The following ALDH1L1 variants were observed in gnomAD, a reference collection of about 807,000 sequenced individuals.
ALDH1L1 encodes cytosolic 10-formyltetrahydrofolate dehydrogenase.
Under a neutral mutation model 101.1 loss-of-function variants are expected in ALDH1L1, and 68 were observed. That is an observed-to-expected ratio of 0.67 (90% CI 0.55 to 0.82). The LOEUF (loss-of-function observed/expected upper bound fraction) is 0.82. Among genes scored for constraint, ALDH1L1 ranks in the 40% least tolerant of loss-of-function variants. ALDH1L1 has a pLI of 0.00. For missense variants in ALDH1L1, 1,087 were observed against 1,172.7 expected (o/e 0.93, Z 1.07); for synonymous variants, 486 against 470.8 (o/e 1.03, Z -0.42).
At chr3:126,130,322 G>A in intron 13 of ALDH1L1, 29 bp from the exon 14 acceptor site, 1 of 1,581,604 alleles carries the variant, frequency 6.3e-7, no homozygotes, top group Non-Finnish European at 8.6e-7. Context: ...CAGTCACCCA[G>A]GGGCCCAGGG....
At chr3:126,169,025 C>A (rs1005433566) in intron 1 of ALDH1L1, among the ~76,000 whole-genome samples, 1 of 152,004 alleles carries the variant, frequency 6.6e-6, no homozygotes, top group Non-Finnish European at 1.5e-5. Flanking sequence ...CTTTAACAAG[C>A]GCTCTCAAAG....
intron 12 of ALDH1L1, 45 bp from the exon 13 acceptor site, chr3:126,131,579 C>A (rs149133160): frequency 6.3e-7 from 1 of 1,576,572 alleles, no homozygotes; most frequent in Non-Finnish European, 8.7e-7. Flanking sequence ...AGGCCTGGCA[C>A]GGCCTCATCT....
chr3:126,171,007 GCAGACT>G, intron 1 of ALDH1L1, among the ~76,000 whole-genome samples: 1 of 152,278 alleles, frequency 6.6e-6, no homozygotes, highest in South Asian at 2.1e-4. Flanking sequence ...AAAGCTAAAA[GCAGACT>G]CTTGGCTGGG....
chr3:126,130,328 C>T (rs754067493), intron 13 of ALDH1L1, 35 bp from the exon 14 acceptor site: 3 of 1,570,158 alleles, frequency 1.9e-6, no homozygotes, highest in South Asian at 1.2e-5. Context: ...CCCAGGGGCC[C>T]AGGGTCCACA....
intron 22 of ALDH1L1, chr3:126,104,092 C>A: frequency 1.7e-6 from 1 of 579,516 alleles, no homozygotes. Flanking sequence ...TTCCCCAGCT[C>A]CCACCGCCTT....
At chr3:126,109,912 G>A (rs760118673) in intron 20 of ALDH1L1, 32 bp downstream of exon 20, 1 of 1,609,644 alleles carries the variant, frequency 6.2e-7, no homozygotes, top group South Asian at 1.1e-5. Flanking sequence ...TGCCTCAATT[G>A]ACCCAAGCGG....
rs2081528082 is a variant in ALDH1L1 at position 126,187,557 on chromosome 3, C to T, written c.-24+10178G>A. Among the ~76,000 whole-genome samples, 5 of 152,270 alleles carry T rather than the reference C, an allele frequency of 3.3e-5. No homozygotes were observed. The South Asian group carries it at 1.0e-3, about 32-fold the overall frequency. On this transcript the variant is annotated intron_variant, in intron 1 of 2. Transcript: ENST00000509952. ...AGGACCCTGGGCCGTATTGAAGGCA[C>T]ACCTCAGTTTACAGTGGGGCGAAAC...
chr3:126,135,619 T>C lies in ALDH1L1; in HGVS notation c.1388A>G (p.Lys463Arg). Residue 463 changes from lysine (K) to arginine (R), a missense_variant, in exon 12 of 23, where the codon AAG (lysine) becomes AGG (arginine). By Grantham distance (26) the Lys-to-Arg change is conservative (BLOSUM62 2). Transcript: ENST00000393434. ...GGCATCCTTGGCTGCGGCCACTGCC[T>C]TGTCGACGTCGGTGACTTGGGCCAG... ...VSLAQVTDVDKAVAAAKDAFE... is the reference protein window; with the variant it reads ...VSLAQVTDVDRAVAAAKDAFE... 6.3e-7 allele frequency: 1 copy of C among 1,590,930 alleles called. No individual in the cohort carries two copies. Among genetic ancestry groups the C allele is most frequent in the Non-Finnish European group, 8.6e-7 (1 of 1,168,902 alleles).
chr3:126,188,756 T>C (rs1430157407), intron 1 of ALDH1L1, among the ~76,000 whole-genome samples: 3 of 152,146 alleles, frequency 2.0e-5, no homozygotes, highest in Non-Finnish European at 4.4e-5. Flanking sequence ...CATGCAAACA[T>C]TTAAAAATTT....
In ALDH1L1 at chr3:126,155,308, C is replaced by G. The variant is rs116403283; in HGVS notation, c.630+94G>C. 3,322 of 1,097,206 alleles carry G rather than the reference C, an allele frequency of 3.0e-3. 66 individuals carry two copies. The African/African-American group carries it at 0.044, about 15-fold the overall frequency. The allele number at this position is 1,097,206 out of a possible 1,614,324, so 68.0% of individuals were successfully genotyped here. A position where few individuals can be genotyped will look rare whatever the true frequency, so the allele number is the denominator to read the frequency against. On this transcript the variant is annotated intron_variant, in intron 5 of 22. Transcript: ENST00000393434. ...TGGCCTCAAAGAATTACAACCTGCA[C>G]CATCTGGGCTGAACCCCAGCCTCCT... is the stretch of plus-strand genomic sequence containing the variant.
chr3:126,123,590 T>C (rs2080121210), intron 16 of ALDH1L1, among the ~76,000 whole-genome samples: 1 of 145,280 alleles, frequency 6.9e-6, no homozygotes, highest in African/African-American at 2.6e-5. Flanking sequence ...CTTTCCTTAT[T>C]TGAACTAGAA....
At chr3:126,171,274 G>T (rs1206813574) in intron 1 of ALDH1L1, among the ~76,000 whole-genome samples, 1 of 152,192 alleles carries the variant, frequency 6.6e-6, no homozygotes, top group African/African-American at 2.4e-5. Context: ...CTCCGGCCTA[G>T]CGACAGAGCG....
intron 1 of ALDH1L1, among the ~76,000 whole-genome samples, chr3:126,193,434 T>A (rs552303258): frequency 6.6e-6 from 1 of 152,328 alleles, no homozygotes; most frequent in Non-Finnish European, 1.5e-5. Flanking sequence ...TGGCCTCCTA[T>A]AATTTTGTTT....
intron 1 of ALDH1L1, among the ~76,000 whole-genome samples, chr3:126,167,922 A>C (rs1162369709): frequency 2.0e-5 from 3 of 152,204 alleles, no homozygotes; most frequent in Non-Finnish European, 4.4e-5. Flanking sequence ...CAAGTCACAC[A>C]CAAAAAAACT....
At position 126,158,608 on chromosome 3, in the gene ALDH1L1, T is replaced by C. The variant is rs1490701200; in HGVS notation, c.159A>G (p.Val53=). The C allele has an allele frequency of 1.2e-6, 2 of 1,613,512 alleles. No homozygotes were observed. Among genetic ancestry groups the C allele is most frequent in the Non-Finnish European group, 1.7e-6 (2 of 1,179,558 alleles). ...TTGCACGCCACCGGGAGTACTTGAATACCGGCACTCCATCCTTCTCAGCTT... is the reference window on the plus strand; with the variant it reads ...TTGCACGCCACCGGGAGTACTTGAACACCGGCACTCCATCCTTCTCAGCTT... The part of the protein sequence containing the change: ...GLEAEKDGVP[V]FKYSRWRAKG... Residue 53 remains valine (V), a synonymous_variant, in exon 3 of 23, where the codon GTA becomes GTG. Coordinates refer to ENST00000393434, the MANE Select transcript of ALDH1L1 (RefSeq NM_012190.4).
Position 126,135,550 on chromosome 3 carries a change from C to A in ALDH1L1, c.1457G>T (p.Gly486Val). 1.2e-6 allele frequency: 2 copies of A among 1,607,930 alleles called. No individual in the cohort carries two copies. Among genetic ancestry groups the A allele is most frequent in the Non-Finnish European group, 1.7e-6 (2 of 1,177,990 alleles). The part of the protein sequence containing the change: ...RWGKISARDR[G>V]RLMYRLADLM... ...GGGCTCCCACCTGTACATCAGCCGG[C>A]CCCGGTCCCGCGCACTGATCTTCCC... Residue 486 changes from glycine (G) to valine (V), a missense_variant, in exon 12 of 23, where the codon GGC becomes GTC. By Grantham distance (109) the Gly-to-Val change is moderately radical (BLOSUM62 -3). This residue lies in a region of ALDH1L1 where 645 missense variants were observed against 637.0 expected (regional missense o/e 1.01). Coordinates refer to ENST00000393434, the MANE Select transcript of ALDH1L1 (RefSeq NM_012190.4).
rs1341399360 is a variant in ALDH1L1, at chr3:126,195,815, A to G, written c.-24+1920T>C. On this transcript the variant is annotated intron_variant, in intron 1 of 2. Coordinates refer to the ALDH1L1 transcript ENST00000509952. Reference sequence around the variant, plus strand: ...GGATGAGTTCATGTCCTTTGTAGGGACATGGATGAAGCTGGAAACCATCAT... The same window carrying G: ...GGATGAGTTCATGTCCTTTGTAGGGGCATGGATGAAGCTGGAAACCATCAT... Among the ~76,000 whole-genome samples, 4 of 152,348 alleles carry G rather than the reference A, an allele frequency of 2.6e-5. No homozygotes were observed. The South Asian group carries it at 8.3e-4, about 32-fold the overall frequency.
chr3:126,126,119 AGTGTGAGGCCAGGT>A (rs949534537), intron 14 of ALDH1L1, among the ~76,000 whole-genome samples: 3 of 152,096 alleles, frequency 2.0e-5, no homozygotes, highest in African/African-American at 7.2e-5. Context: ...GGTCCTCCAG[AGTGTGAGGCCAGGT>A]GTCAATCCTC....
chr3:126,150,703 G>A (rs537073993), intron 7 of ALDH1L1, 172 bp from the exon 8 acceptor site: 4 of 656,488 alleles, frequency 6.1e-6, no homozygotes, highest in Admixed American at 6.6e-5. Context: ...TTACAGGCGC[G>A]CACCACCATG....
Sources: gnomAD v4.1 joint callset for allele counts (sites outside exome capture counted in the v4.1 genomes callset) on GRCh38, gnomAD v4.1.1 for gene constraint, gnomAD v4.1.1 regional missense constraint, MANE v1.5 for transcripts, NCBI Gene and HGNC (gene_info 2026-07-23, HGNC 2026-07-21) for gene names.